STK32B: variants seen among roughly 807,000 people sequenced by gnomAD.
STK32B encodes serine/threonine-protein kinase 32B.
Under a neutral mutation model 52.6 loss-of-function variants are expected in STK32B, and 43 were observed. The ratio of observed to expected loss-of-function variants is 0.82; its 90% CI spans 0.64 to 1.05. The LOEUF (loss-of-function observed/expected upper bound fraction) is 1.05, where lower values mean the gene tolerates loss of function less well. Among genes scored for constraint, STK32B ranks in the 50% least tolerant of loss-of-function variants. STK32B has a pLI of 0.00. For missense variants in STK32B, 621 were observed against 534.6 expected (o/e 1.16, Z -1.59); for synonymous variants, 238 against 204.3 (o/e 1.17, Z -1.41).
chr4:5,259,297 T>C (rs904409054), intron 3 of STK32B, among the ~76,000 whole-genome samples: 3 of 152,240 alleles, frequency 2.0e-5, no homozygotes, highest in African/African-American at 7.2e-5. Context: ...TTCTCCAAAA[T>C]GTTCTTGGCA....
At chr4:5,281,991 T>C (rs141405709) in intron 3 of STK32B, among the ~76,000 whole-genome samples, 31 of 152,340 alleles carry the variant, frequency 2.0e-4, no homozygotes, top group African/African-American at 6.5e-4. Context: ...TAACAAGTCA[T>C]AATTACATAT....
At chr4:5,417,044 T>C in intron 6 of STK32B, 110 bp downstream of exon 6, 1 of 960,846 alleles carries the variant, frequency 1.0e-6, no homozygotes, top group Non-Finnish European at 1.5e-6. Flanking sequence ...CCTCCCATGC[T>C]CACATGAGGT....
At chr4:5,189,318 C>G (rs151292716) in intron 3 of STK32B, among the ~76,000 whole-genome samples, 2 of 152,208 alleles carry the variant, frequency 1.3e-5, no homozygotes, top group Non-Finnish European at 2.9e-5. Flanking sequence ...ATTCATCCCT[C>G]GTTCCCCTCC....
At chr4:5,108,846 CA>C (rs1235350987) in intron 1 of STK32B, among the ~76,000 whole-genome samples, 2 of 152,032 alleles carry the variant, frequency 1.3e-5, no homozygotes, top group Non-Finnish European at 2.9e-5. Context: ...AAATCATGAG[CA>C]AAAACAGGAG....
intron 4 of STK32B, among the ~76,000 whole-genome samples, chr4:5,384,819 C>G (rs898731143): frequency 6.6e-6 from 1 of 152,066 alleles, no homozygotes. Context: ...GGGGCTGTGA[C>G]GATTCCAGAG....
chr4:5,077,081 G>T (rs1368567368), intron 1 of STK32B, among the ~76,000 whole-genome samples: 1 of 152,114 alleles, frequency 6.6e-6, no homozygotes, highest in Non-Finnish European at 1.5e-5. Context: ...TCCCTGAACT[G>T]TAAGCTCCAT....
intron 3 of STK32B, among the ~76,000 whole-genome samples, chr4:5,329,365 C>T (rs1732080499): frequency 6.6e-6 from 1 of 152,192 alleles, no homozygotes; most frequent in African/African-American, 2.4e-5. Flanking sequence ...GCTGTTTGTG[C>T]AGGTTGTGGG....
chr4:5,457,891 GGGAGGGAGGGAGGGAT>G (rs907323035), intron 8 of STK32B, among the ~76,000 whole-genome samples: 2 of 140,988 alleles, frequency 1.4e-5, no homozygotes, highest in African/African-American at 5.2e-5. Flanking sequence ...CGAGGCGGAA[GGGAGGGAGGGAGGGAT>G]GGAGGGAGAG....
chr4:5,468,983 G>C (rs181207547), intron 11 of STK32B, among the ~76,000 whole-genome samples: 5 of 151,636 alleles, frequency 3.3e-5, no homozygotes, highest in African/African-American at 1.2e-4. Flanking sequence ...CCGGGAGGCA[G>C]AGCTTGCAGT....
chr4:5,437,423 G>A (rs2109101544), intron 6 of STK32B, among the ~76,000 whole-genome samples: 1 of 152,308 alleles, frequency 6.6e-6, no homozygotes, highest in African/African-American at 2.4e-5. Flanking sequence ...GCATTGCCCT[G>A]ATCTGCCTTT....
chr4:5,322,533 T>G (rs2108940691), intron 3 of STK32B, among the ~76,000 whole-genome samples: 1 of 152,248 alleles, frequency 6.6e-6, no homozygotes, highest in South Asian at 2.1e-4. Flanking sequence ...GCTGCCAAGA[T>G]TTTCTGAATC....
chr4:5,277,825 A>G (rs559927050), intron 3 of STK32B, among the ~76,000 whole-genome samples: 3 of 152,332 alleles, frequency 2.0e-5, no homozygotes, highest in South Asian at 2.1e-4. Flanking sequence ...CTGGCAACCT[A>G]TAATCTGGTC....
intron 4 of STK32B, among the ~76,000 whole-genome samples, chr4:5,358,498 C>T (rs1368291088): frequency 1.3e-5 from 2 of 152,066 alleles, no homozygotes; most frequent in Non-Finnish European, 2.9e-5. Context: ...ATCTTTCATT[C>T]GTTAATCTAG....
At chr4:5,387,185 A>G (rs1380681612) in intron 4 of STK32B, among the ~76,000 whole-genome samples, 1 of 152,364 alleles carries the variant, frequency 6.6e-6, no homozygotes, top group East Asian at 1.9e-4. Context: ...GCCCCAAGCC[A>G]GGACCTGACG....
At chr4:5,143,420 G>A (rs990908960) in intron 2 of STK32B, among the ~76,000 whole-genome samples, 22 of 152,262 alleles carry the variant, frequency 1.4e-4, no homozygotes, top group Non-Finnish European at 2.2e-4. Context: ...AGCCTCCCAT[G>A]CCTGCTTTTA....
intron 6 of STK32B, among the ~76,000 whole-genome samples, chr4:5,443,848 G>A (rs1023350945): frequency 2.0e-5 from 3 of 152,140 alleles, no homozygotes; most frequent in African/African-American, 7.2e-5. Flanking sequence ...AGGTCTGTTG[G>A]AATACCCTGC....
At position 5,453,853 on chromosome 4, in the gene STK32B, C is replaced by G. The variant is rs186531668; in HGVS notation, c.667-2954C>G. Among the ~76,000 whole-genome samples, 1 of 151,954 alleles carries G rather than the reference C, an allele frequency of 6.6e-6. No homozygotes were observed. Among genetic ancestry groups the G allele is most frequent in the Non-Finnish European group, 1.5e-5 (1 of 67,982 alleles). On this transcript the variant is annotated intron_variant, in intron 7 of 11. Coordinates refer to ENST00000282908, the MANE Select transcript of STK32B (RefSeq NM_018401.3). The surrounding 1 kb of genome is among the most constrained non-coding windows in gnomAD (Gnocchi z 4.0). The stretch of plus-strand genomic sequence containing the variant: ...CTGGCAGGTGGAGGTTGCAGTGAGC[C>G]GAGATCATACCATTGCACTCCAGTC...
chr4:5,082,133 C>G lies in STK32B; in HGVS notation c.52+30218C>G, dbSNP rs187372893. On this transcript the variant is annotated intron_variant, in intron 1 of 11. Transcript: ENST00000282908. ...TGCTCTACATCTTTTTTTTTTCTCC[C>G]TTGGAGGGATTTCTTAAGATTGTGT... Among the ~76,000 whole-genome samples the G allele has an allele frequency of 2.1e-4, 32 of 151,598 alleles. 1 individual carries two copies. The highest frequency in any genetic ancestry group is 6.8e-3 in the Middle Eastern group (2 of 294).
chr4:5,170,458 C>G (rs981056109), intron 3 of STK32B, among the ~76,000 whole-genome samples: 1 of 152,040 alleles, frequency 6.6e-6, no homozygotes, highest in South Asian at 2.1e-4. Flanking sequence ...ATCGCTCCCC[C>G]GTCCCCCCAC....
Sources: allele counts gnomAD v4.1 joint callset (sites outside exome capture counted in the v4.1 genomes callset), GRCh38; gene constraint gnomAD v4.1.1; non-coding constraint Gnocchi (gnomAD v3.1); transcripts MANE v1.5; gene names NCBI Gene and HGNC (gene_info 2026-07-23, HGNC 2026-07-21).